The following C1QTNF4 variants were observed in gnomAD, a reference collection of about 807,000 sequenced individuals.
C1QTNF4 encodes C1q and TNF related 4, also known as complement C1q tumor necrosis factor-related protein 4.
A neutral mutation model predicts 14.6 loss-of-function variants in C1QTNF4; 12 were observed. That is an observed-to-expected ratio of 0.82 (90% CI 0.53 to 1.33). C1QTNF4 has a LOEUF of 1.33. C1QTNF4 is among the 40% of genes most tolerant of loss of function. The pLI, the probability that C1QTNF4 is intolerant of heterozygous loss-of-function variation, is 0.00. For missense variants in C1QTNF4, 558 were observed against 500.3 expected (o/e 1.12, Z -1.10); for synonymous variants, 278 against 246.6 (o/e 1.13, Z -1.19).
chr11:47,591,167 C>G (rs1316749876), intron 1 of C1QTNF4, among the ~76,000 whole-genome samples: 1 of 152,142 alleles, frequency 6.6e-6, no homozygotes, highest in Non-Finnish European at 1.5e-5. Flanking sequence ...CAACCTCCAC[C>G]TCCCGGGTTC....
In C1QTNF4 at chr11:47,590,196, G is replaced by T. The variant is rs537677427; in HGVS notation, c.615C>A (p.Thr205=). 6.3e-7 allele frequency: 1 copy of T among 1,587,364 alleles called. No homozygotes were observed. Among genetic ancestry groups the T allele is most frequent in the Non-Finnish European group, 8.5e-7 (1 of 1,170,366 alleles). ...GPRHQPLAFD[T]EFVNIGGDFD... ...AGTCGCCGCCAATGTTGACGAACTC[G>T]GTGTCGAAGGCGAGTGGTTGGTGCC... Residue 205 remains threonine, a synonymous_variant, in exon 2 of 2, where the codon ACC becomes ACA. Transcript: ENST00000302514.
At chr11:47,593,407 A>G (rs1034581623) in intron 1 of C1QTNF4, among the ~76,000 whole-genome samples, 3 of 152,202 alleles carry the variant, frequency 2.0e-5, no homozygotes, top group South Asian at 2.1e-4. Context: ...GAACACGGAA[A>G]ACAGCTCAGC....
chr11:47,592,356 A>G (rs550226780), intron 1 of C1QTNF4, among the ~76,000 whole-genome samples: 10 of 152,196 alleles, frequency 6.6e-5, no homozygotes, highest in Non-Finnish European at 1.5e-4. Flanking sequence ...TCCTCCATGT[A>G]AATGGGGAAG....
rs2097276915 is a variant in C1QTNF4, at chr11:47,594,214, G to GCGGGCTGCAGGCTGCAGGCTGCGGGTGC, written c.-100_-73dup. The GCGGGCTGCAGGCTGCAGGCTGCGGGTGC allele has an allele frequency of 2.6e-5, 4 of 152,078 alleles. No individual in the cohort carries two copies. Among genetic ancestry groups the GCGGGCTGCAGGCTGCAGGCTGCGGGTGC allele is most frequent in the Non-Finnish European group, 5.9e-5 (4 of 68,040 alleles). 9.4% of individuals were successfully genotyped at this position (152,078 alleles called of 1,614,324 possible). Reference sequence around the variant, plus strand: ...GCGATCTGGCTCCGGGCTGCGGGCTGCGGGCTGCAGGCTGCAGGCTGCGGG... The same window carrying GCGGGCTGCAGGCTGCAGGCTGCGGGTGC: ...GCGATCTGGCTCCGGGCTGCGGGCTGCGGGCTGCAGGCTGCAGGCTGCGGGTGCCGGGCTGCAGGCTGCAGGCTGCGGG... On this transcript the variant is annotated 5_prime_UTR_variant, in exon 1 of 2. Coordinates refer to ENST00000302514, the MANE Select transcript of C1QTNF4 (RefSeq NM_031909.3).
Position 47,589,735 on chromosome 11 carries a change from G to T in C1QTNF4, c.*86C>A. ...CAGAGTCCAGGCGCGCCCGGAGGCCGTGGCGCTCGCGCGGGACTTTCGAGC... is the reference window on the plus strand; with the variant it reads ...CAGAGTCCAGGCGCGCCCGGAGGCCTTGGCGCTCGCGCGGGACTTTCGAGC... On this transcript the variant is annotated 3_prime_UTR_variant, in exon 2 of 2. Coordinates refer to ENST00000302514, the MANE Select transcript of C1QTNF4 (RefSeq NM_031909.3). The T allele has an allele frequency of 7.7e-7, 1 of 1,301,394 alleles. No homozygotes were observed. Among genetic ancestry groups the T allele is most frequent in the Non-Finnish European group, 1.0e-6 (1 of 984,082 alleles). The allele number at this position is 1,301,394 out of a possible 1,614,324, so 80.6% of individuals were successfully genotyped here.
At chr11:47,591,257 T>C (rs917040623) in intron 1 of C1QTNF4, among the ~76,000 whole-genome samples, 1 of 152,032 alleles carries the variant, frequency 6.6e-6, no homozygotes, top group African/African-American at 2.4e-5. Flanking sequence ...TTTTTGTATC[T>C]TTAGTAGAGA....
intron 1 of C1QTNF4, among the ~76,000 whole-genome samples, chr11:47,593,612 A>C (rs953209490): frequency 1.3e-5 from 2 of 152,106 alleles, no homozygotes; most frequent in Non-Finnish European, 2.9e-5. Flanking sequence ...TTCCCTGAGC[A>C]GGTCAGAGGT....
At position 47,590,208 on chromosome 11, in the gene C1QTNF4, G is replaced by A. The variant is rs554726340; in HGVS notation, c.603C>T (p.Leu201=). 7.9e-5 allele frequency: 125 copies of A among 1,577,906 alleles called. 2 individuals are homozygous for A. In the South Asian group the frequency reaches 1.3e-3, roughly 17 times the overall value. Residue 201 remains leucine, a synonymous_variant, in exon 2 of 2, where the codon CTC becomes CTT. Transcript: ENST00000302514. ...TGTTGACGAACTCGGTGTCGAAGGC[G>A]AGTGGTTGGTGCCGCGGCCCGGGGC... is the stretch of plus-strand genomic sequence containing the variant. The part of the protein sequence containing the change: ...DAGPGPRHQP[L]AFDTEFVNIG...
Position 47,589,793 on chromosome 11 carries a change from C to T in C1QTNF4, c.*28G>A. The T allele has an allele frequency of 6.8e-7, 1 of 1,478,540 alleles. No homozygotes were observed. The highest frequency in any genetic ancestry group is 9.0e-7 in the Non-Finnish European group (1 of 1,114,564). 91.6% of individuals were successfully genotyped at this position (1,478,540 alleles called of 1,614,324 possible). ...CCGGCCTGGCATGCACGCCCCTGGC[C>T]CTCCCGGGCTCTTCTCTGGCCCGGG... On this transcript the variant is annotated 3_prime_UTR_variant, in exon 2 of 2. Transcript: ENST00000302514.
Position 47,590,754 on chromosome 11 carries a change from C to A in C1QTNF4, c.57G>T (p.Pro19=), listed in dbSNP as rs936757752. The A allele has an allele frequency of 1.9e-6, 3 of 1,593,728 alleles. No individual in the cohort carries two copies. The highest frequency in any genetic ancestry group is 2.6e-6 in the Non-Finnish European group (3 of 1,171,144). ...LGPAACWALG[P]TPGPGSSELR... ...GCTCAGAGGATCCCGGGCCGGGGGT[C>A]GGGCCCAGGGCCCAGCAGGCCGCTG... The change falls in exon 2 of 2, where the codon CCG becomes CCT. Residue 19 remains proline (P), a synonymous_variant. Coordinates refer to ENST00000302514, the MANE Select transcript of C1QTNF4 (RefSeq NM_031909.3).
Position 47,589,764 on chromosome 11 carries a change from C to G in C1QTNF4, c.*57G>C, listed in dbSNP as rs10769279. 1 allele frequency: 1,410,943 copies of G among 1,414,770 alleles called. 703,643 individuals are homozygous for G. The highest frequency in any genetic ancestry group is 1 in the East Asian group (36,793 of 36,794). 87.6% of individuals were successfully genotyped at this position (1,414,770 alleles called of 1,614,324 possible). On this transcript the variant is annotated 3_prime_UTR_variant, in exon 2 of 2. Coordinates refer to ENST00000302514, the MANE Select transcript of C1QTNF4 (RefSeq NM_031909.3). ...CGCTCGCGCGGGACTTTCGAGCCTC[C>G]GGCCCGGCCTGGCATGCACGCCCCT...
In C1QTNF4 at chr11:47,590,748, G is replaced by A. The variant is rs778906229; in HGVS notation, c.63C>T (p.Pro21=). 1 of 1,598,136 alleles carries A rather than the reference G, an allele frequency of 6.3e-7. No individual in the cohort carries two copies. The part of the protein sequence containing the change: ...PAACWALGPT[P]GPGSSELRSA... ...AGCGCAGCTCAGAGGATCCCGGGCC[G>A]GGGGTCGGGCCCAGGGCCCAGCAGG... Residue 21 remains proline, a synonymous_variant, in exon 2 of 2, where the codon CCC becomes CCT. Coordinates refer to ENST00000302514, the MANE Select transcript of C1QTNF4 (RefSeq NM_031909.3).
Position 47,590,166 on chromosome 11 carries a change from G to C in C1QTNF4, c.645C>G (p.Asp215Glu). Reference sequence around the variant, plus strand: ...GGCAGCGGAACACGCCGGCCGCCGCGTCGAAGTCGCCGCCAATGTTGACGA... The same window carrying C: ...GGCAGCGGAACACGCCGGCCGCCGCCTCGAAGTCGCCGCCAATGTTGACGA... ...TEFVNIGGDF[D>E]AAAGVFRCRL... Residue 215 changes from aspartate to glutamate, a missense_variant, in exon 2 of 2, where the codon GAC becomes GAG. By Grantham distance (45) the Asp-to-Glu change is conservative. Transcript: ENST00000302514. The C allele has an allele frequency of 6.3e-7, 1 of 1,599,156 alleles. No homozygotes were observed. The highest frequency in any genetic ancestry group is 8.5e-7 in the Non-Finnish European group (1 of 1,175,278).
Position 47,590,051 on chromosome 11 carries a change from C to T in C1QTNF4, c.760G>A (p.Val254Met), listed in dbSNP as rs776436395. ...CCGTCGTCGTAAATCATGGCCTGCA[C>T]CTCGTCGCGGTTCTTCATCAGCTTA... ...SVKLMKNRDE[V>M]QAMIYDDGAS... The change falls in exon 2 of 2, where the codon GTG becomes ATG. Residue 254 changes from valine (V) to methionine (M), a missense_variant. Physicochemically the swap from Val to Met is conservative, Grantham distance 21. Coordinates refer to ENST00000302514, the MANE Select transcript of C1QTNF4 (RefSeq NM_031909.3). 3 of 1,612,728 alleles carry T rather than the reference C, an allele frequency of 1.9e-6. No individual in the cohort carries two copies. Among genetic ancestry groups the T allele is most frequent in the Non-Finnish European group, 2.5e-6 (3 of 1,179,204 alleles).
chr11:47,590,774 C>G lies in C1QTNF4; in HGVS notation c.37G>C (p.Ala13Pro). 1.9e-6 allele frequency: 3 copies of G among 1,545,678 alleles called. No individual in the cohort carries two copies. The highest frequency in any genetic ancestry group is 2.6e-6 in the Non-Finnish European group (3 of 1,151,380). The change falls in exon 2 of 2, where the codon GCC becomes CCC. Residue 13 changes from alanine to proline, a missense_variant. Physicochemically the swap from Ala to Pro is conservative, Grantham distance 27. Coordinates refer to ENST00000302514, the MANE Select transcript of C1QTNF4 (RefSeq NM_031909.3). ...PLLLGLLGPA[A>P]CWALGPTPGP... ...GGGGTCGGGCCCAGGGCCCAGCAGG[C>G]CGCTGGGCCCAGCAGGCCCAGCAGA...
In C1QTNF4 at chr11:47,589,829, G is replaced by C. The variant is rs767440534; in HGVS notation, c.982C>G (p.Leu328Val). Residue 328 changes from leucine (L) to valine (V), a missense_variant, in exon 2 of 2, where the codon CTA (leucine) becomes GTA (valine). Leu to Val is a conservative substitution (Grantham distance 32, BLOSUM62 1). Transcript: ENST00000302514. ...AAPPGLGASE[L>V]L is the part of the protein sequence containing the mutation. ...CTTCTCTGGCCCGGGGCTCACAGTAGCTCCGAGGCCCCGAGGCCCGGCGGG... is the reference window on the plus strand; with the variant it reads ...CTTCTCTGGCCCGGGGCTCACAGTACCTCCGAGGCCCCGAGGCCCGGCGGG... The C allele has an allele frequency of 1.3e-6, 2 of 1,539,920 alleles. No individual in the cohort carries two copies. The highest frequency in any genetic ancestry group is 4.9e-5 in the East Asian group (2 of 40,576).
In C1QTNF4 at chr11:47,590,115, G is replaced by A. The variant is rs1565947831; in HGVS notation, c.696C>T (p.Ser232=). Residue 232 remains serine, a synonymous_variant, in exon 2 of 2, where the codon TCC becomes TCT. Coordinates refer to ENST00000302514, the MANE Select transcript of C1QTNF4 (RefSeq NM_031909.3). ...RCRLPGAYFF[S]FTLGKLPRKT... ...TACGCGGCAGCTTGCCCAGCGTGAA[G>A]GAGAAGAAGTAGGCGCCGGGCAGAC... is the stretch of plus-strand genomic sequence containing the variant. 6.2e-7 allele frequency: 1 copy of A among 1,611,824 alleles called. No homozygotes were observed.
chr11:47,590,874 C>T (rs2097275250), intron 1 of C1QTNF4, 59 bp from the exon 2 acceptor site: 3 of 1,431,970 alleles, frequency 2.1e-6, no homozygotes, highest in Middle Eastern at 2.6e-4. Context: ...TCCAAACGCC[C>T]GGCTCTCCAC....
Position 47,590,282 on chromosome 11 carries a change from A to C in C1QTNF4, c.529T>G (p.Ser177Ala), listed in dbSNP as rs2097274587. 8.2e-7 allele frequency: 1 copy of C among 1,215,742 alleles called. No homozygotes were observed. The highest frequency in any genetic ancestry group is 4.7e-5 in the Admixed American group (1 of 21,192). The allele number at this position is 1,215,742 out of a possible 1,614,324, so 75.3% of individuals were successfully genotyped here. The change falls in exon 2 of 2, where the codon TCG becomes GCG. Residue 177 changes from serine to alanine, a missense_variant. Transcript: ENST00000302514. ...CGCGTGCGCGCCGCCGAGAAGGCCG[A>C]GCGCGGCTCGGGGGGCGCGGGCGGC... Reference protein sequence around the residue: ...RGPPAPPEPRSAFSAARTRSL... With the variant: ...RGPPAPPEPRAAFSAARTRSL...
Sources: allele counts gnomAD v4.1 joint callset (sites outside exome capture counted in the v4.1 genomes callset), GRCh38; gene constraint gnomAD v4.1.1; transcripts MANE v1.5; gene names NCBI Gene and HGNC (gene_info 2026-07-23, HGNC 2026-07-21).